Variants in NPAS3 observed in about 807,000 individuals in gnomAD.
The protein encoded by NPAS3 is neuronal PAS domain protein 3.
In NPAS3, 14 loss-of-function variants were observed where a neutral mutation model predicts 73.1. The ratio of observed to expected loss-of-function variants is 0.19; its 90% CI spans 0.13 to 0.30. The LOEUF (loss-of-function observed/expected upper bound fraction) is 0.30. Ranked by LOEUF, NPAS3 falls within the 10% of genes least tolerant of loss-of-function variation. The pLI is 1.00. For missense variants in NPAS3, 1,096 were observed against 1,250.0 expected (o/e 0.88, Z 1.86); for synonymous variants, 620 against 541.5 (o/e 1.14, Z -2.01).
chr14:33,599,199 TAAG>T (rs1259124956), intron 5 of NPAS3, among the ~76,000 whole-genome samples: 2 of 152,200 alleles, frequency 1.3e-5, no homozygotes, highest in Non-Finnish European at 2.9e-5. Context: ...CCCCAACCTG[TAAG>T]AAGTTGAACC....
At chr14:33,699,158 A>T (rs1299326789) in intron 6 of NPAS3, among the ~76,000 whole-genome samples, 1 of 152,266 alleles carries the variant, frequency 6.6e-6, no homozygotes, top group Non-Finnish European at 1.5e-5. Context: ...TTTCAAAAAA[A>T]AACATGTGCA....
chr14:33,166,290 C>G (rs890675274), intron 2 of NPAS3, among the ~76,000 whole-genome samples: 1 of 152,196 alleles, frequency 6.6e-6, no homozygotes, highest in East Asian at 1.9e-4. Flanking sequence ...GGGCATCTTC[C>G]CCGTTCCTGA....
intron 5 of NPAS3, among the ~76,000 whole-genome samples, chr14:33,635,886 A>G (rs2058500234): frequency 6.6e-6 from 1 of 152,154 alleles, no homozygotes; most frequent in Admixed American, 6.5e-5. Context: ...CAGCACCTGT[A>G]CATACATCCC....
At chr14:33,141,372 G>A (rs117121957) in intron 2 of NPAS3, among the ~76,000 whole-genome samples, 1 of 152,134 alleles carries the variant, frequency 6.6e-6, no homozygotes, top group African/African-American at 2.4e-5. Flanking sequence ...GGACTCCAAA[G>A]TGAATTGGCA....
chr14:33,232,884 T>G (rs1389869958), intron 3 of NPAS3, among the ~76,000 whole-genome samples: 2 of 150,908 alleles, frequency 1.3e-5, no homozygotes. Flanking sequence ...ACATTACAAT[T>G]TCACTTTAGT....
intron 2 of NPAS3, among the ~76,000 whole-genome samples, chr14:33,061,403 A>C (rs980081340): frequency 6.6e-6 from 1 of 152,244 alleles, no homozygotes; most frequent in African/African-American, 2.4e-5. Flanking sequence ...CTCTAATGCT[A>C]AACATGTTAA....
chr14:33,218,191 T>C (rs1045531532), intron 3 of NPAS3, among the ~76,000 whole-genome samples: 31 of 152,220 alleles, frequency 2.0e-4, no homozygotes, highest in African/African-American at 7.5e-4. Context: ...TTTATTATAT[T>C]TAAAATTCCA....
At chr14:33,564,490 G>A (rs1034812608) in intron 5 of NPAS3, among the ~76,000 whole-genome samples, 12 of 152,170 alleles carry the variant, frequency 7.9e-5, no homozygotes, top group Admixed American at 2.6e-4. Flanking sequence ...CCCATTCCCC[G>A]CCAGCCATAG....
chr14:33,744,435 C>T (rs1407073329), intron 7 of NPAS3, among the ~76,000 whole-genome samples: 1 of 152,076 alleles, frequency 6.6e-6, no homozygotes, highest in African/African-American at 2.4e-5. Flanking sequence ...CACCCCAAAA[C>T]AATTATAACA....
intron 5 of NPAS3, among the ~76,000 whole-genome samples, chr14:33,589,072 G>A (rs758302430): frequency 3.9e-5 from 6 of 152,108 alleles, no homozygotes; most frequent in African/African-American, 4.8e-5. Flanking sequence ...TATACTCTAC[G>A]TTTGTCCTCA....
At chr14:33,586,870 A>G (rs2056880195) in intron 5 of NPAS3, among the ~76,000 whole-genome samples, 1 of 152,174 alleles carries the variant, frequency 6.6e-6, no homozygotes, top group African/African-American at 2.4e-5. Flanking sequence ...AACTCGAGAA[A>G]TGCTACAGAA....
intron 9 of NPAS3, among the ~76,000 whole-genome samples, chr14:33,790,653 C>G (rs757562046): frequency 6.6e-6 from 1 of 151,884 alleles, no homozygotes; most frequent in Non-Finnish European, 1.5e-5. Context: ...TTTAAAGAAG[C>G]TAAATTCCAT....
chr14:33,489,871 A>G (rs112996849), intron 4 of NPAS3, among the ~76,000 whole-genome samples: 229 of 152,290 alleles, frequency 1.5e-3, no homozygotes, highest in African/African-American at 4.6e-3. Context: ...GTCCAATTCA[A>G]TACCTCAGCA....
downstream of NPAS3, chr14:33,801,120 G>A (rs750626707): frequency 1.9e-6 from 3 of 1,567,558 alleles, no homozygotes; most frequent in African/African-American, 1.4e-5. Context: ...GGCGCCGCCC[G>A]TCCTGGGCCC....
At chr14:33,755,585 G>T (rs369951290) in intron 7 of NPAS3, among the ~76,000 whole-genome samples, 1 of 152,152 alleles carries the variant, frequency 6.6e-6, no homozygotes. Flanking sequence ...ACTCTAGACC[G>T]GGTGGGCGTG....
At chr14:33,402,825 T>C (rs1012612802) in intron 4 of NPAS3, among the ~76,000 whole-genome samples, 2 of 152,164 alleles carry the variant, frequency 1.3e-5, no homozygotes, top group African/African-American at 4.8e-5. Context: ...CCCTTGAGTC[T>C]ATCACTACAG....
intron 1 of NPAS3, among the ~76,000 whole-genome samples, chr14:32,977,550 A>G (rs1253537081): frequency 2.0e-5 from 3 of 152,102 alleles, no homozygotes; most frequent in East Asian, 1.9e-4. Context: ...TGGGCAACAT[A>G]GAAAGACCGT....
intron 2 of NPAS3, among the ~76,000 whole-genome samples, chr14:33,151,713 T>C (rs1450570285): frequency 6.6e-6 from 1 of 152,246 alleles, no homozygotes; most frequent in African/African-American, 2.4e-5. Context: ...GGGAGCATAT[T>C]TAGTAGATCA....
chr14:33,335,510 A>G (rs566881887), intron 3 of NPAS3, among the ~76,000 whole-genome samples: 4 of 152,266 alleles, frequency 2.6e-5, no homozygotes, highest in South Asian at 4.1e-4. Flanking sequence ...TGAAAGTTGC[A>G]TCTGTTCCGA....
Sources: gnomAD v4.1 joint callset for allele counts (sites outside exome capture counted in the v4.1 genomes callset) on GRCh38, gnomAD v4.1.1 for gene constraint, MANE v1.5 for transcripts, NCBI Gene and HGNC (gene_info 2026-07-23, HGNC 2026-07-21) for gene names.